The following CCDC112 variants were observed in gnomAD, a reference collection of about 807,000 sequenced individuals.
CCDC112 encodes coiled-coil domain containing 112.
In CCDC112, 40 loss-of-function variants were observed where a neutral mutation model predicts 66.3. The ratio of observed to expected loss-of-function variants is 0.60; its 90% confidence interval spans 0.47 to 0.79. CCDC112 has a LOEUF of 0.79. Ranked by LOEUF, CCDC112 falls within the 30% of genes least tolerant of loss-of-function variation. CCDC112 has a pLI of 0.00. For missense variants in CCDC112, 659 were observed against 603.8 expected (o/e 1.09, Z -0.96); for synonymous variants, 214 against 197.2 (o/e 1.09, Z -0.71).
rs79741900 is a variant in CCDC112 at position 115,288,664 on chromosome 5, C to A, written c.118-3756G>T. On this transcript the variant is annotated intron_variant, in intron 1 of 9. Transcript: ENST00000379611. ...CGTGACTCCATATCGCCATTTAGTACACTTAGTATTAGAAGATATAAGAAC... is the reference window on the plus strand; with the variant it reads ...CGTGACTCCATATCGCCATTTAGTAAACTTAGTATTAGAAGATATAAGAAC... Among the ~76,000 whole-genome samples the A allele has an allele frequency of 2.6e-4, 39 of 152,238 alleles. 1 individual carries two copies. In the East Asian group the frequency reaches 7.5e-3, roughly 29 times the overall value.
rs149318767 is a variant in CCDC112 at position 115,278,449 on chromosome 5, C to T, written c.361+1198G>A. Among the ~76,000 whole-genome samples the T allele has an allele frequency of 1.6e-3, 249 of 151,890 alleles. 3 individuals are homozygous for T. Among genetic ancestry groups the T allele is most frequent in the Non-Finnish European group, 8.4e-4 (57 of 67,912 alleles). ...ACAGGAAAAACATAAAGTGTAGTAA[C>T]ACTACACTTTATAAGAGCAAAACTT... On this transcript the variant is annotated intron_variant, in intron 3 of 9. Transcript: ENST00000379611.
intron 1 of CCDC112, among the ~76,000 whole-genome samples, chr5:115,288,302 C>T (rs1323865052): frequency 1.3e-5 from 2 of 152,176 alleles, no homozygotes; most frequent in Non-Finnish European, 2.9e-5. Flanking sequence ...TTAAAAGTTA[C>T]TCCAGTGACT....
In CCDC112 at chr5:115,296,643, C is replaced by A. The variant is rs1188418817; in HGVS notation, c.-100G>T. 7 of 1,129,306 alleles carry A rather than the reference C, an allele frequency of 6.2e-6. No homozygotes were observed. The highest frequency in any genetic ancestry group is 4.0e-5 in the South Asian group (2 of 50,082). The allele number at this position is 1,129,306 out of a possible 1,614,324, so 70.0% of individuals were successfully genotyped here. On this transcript the variant is annotated 5_prime_UTR_variant, in exon 1 of 10. Transcript: ENST00000379611. ...TGCAGACAGCTCCCTGCGCTGCGGG[C>A]TTGGCCGGGATGCAGGGCGGGGCCG...
chr5:115,275,533 A>G lies in CCDC112; in HGVS notation c.601T>C (p.Trp201Arg). Residue 201 changes from tryptophan to arginine, a missense_variant, in exon 6 of 10, where the codon TGG (tryptophan) becomes CGG (arginine). By Grantham distance (101) the Trp-to-Arg change is moderately radical. Coordinates refer to ENST00000379611, the MANE Select transcript of CCDC112 (RefSeq NM_001040440.3). ...TCTGTTTCTGAATTACCCAAAGCCC[A>G]TGTGTCAATTTTTCTTGATATGGCA... ...LSAISRKIDT[W>R]ALGNSETEKA... is the part of the protein sequence containing the mutation. 2 of 1,613,872 alleles carry G rather than the reference A, an allele frequency of 1.2e-6. No homozygotes were observed. Among genetic ancestry groups the G allele is most frequent in the Non-Finnish European group, 1.7e-6 (2 of 1,179,952 alleles).
At position 115,267,739 on chromosome 5, in the gene CCDC112, T is replaced by C. The variant is rs1471141867; in HGVS notation, c.*137A>G. 1 of 732,254 alleles carries C rather than the reference T, an allele frequency of 1.4e-6. No individual in the cohort carries two copies. The highest frequency in any genetic ancestry group is 2.4e-6 in the Non-Finnish European group (1 of 416,680). The allele number at this position is 732,254 out of a possible 1,614,324, so 45.4% of individuals were successfully genotyped here. On this transcript the variant is annotated 3_prime_UTR_variant, in exon 10 of 10. Transcript: ENST00000379611. ...AATGACAAAGCCTCATGAAACTTAA[T>C]ACCTCTCAATTCACAATATAGCACA...
In CCDC112 at chr5:115,284,780, T is replaced by C. The variant is rs1423575422; in HGVS notation, c.239+7A>G. Reference sequence around the variant, plus strand: ...ATGTTATTTGAAGATTATATTCTTATACTTACTGATTTTTAAATTTTTCTG... The same window carrying C: ...ATGTTATTTGAAGATTATATTCTTACACTTACTGATTTTTAAATTTTTCTG... On this transcript the variant is annotated splice_region_variant and intron_variant, in intron 2 of 9. Coordinates refer to ENST00000379611, the MANE Select transcript of CCDC112 (RefSeq NM_001040440.3). 2 of 1,589,096 alleles carry C rather than the reference T, an allele frequency of 1.3e-6. No individual in the cohort carries two copies. The highest frequency in any genetic ancestry group is 1.7e-6 in the Non-Finnish European group (2 of 1,158,006).
chr5:115,296,632 T>G lies in CCDC112; in HGVS notation c.-89A>C. On this transcript the variant is annotated 5_prime_UTR_variant, in exon 1 of 10. Transcript: ENST00000379611. ...ACCCTGGCCTCTGCAGACAGCTCCC[T>G]GCGCTGCGGGCTTGGCCGGGATGCA... is the stretch of plus-strand genomic sequence containing the variant. The G allele has an allele frequency of 8.6e-7, 1 of 1,162,938 alleles. No individual in the cohort carries two copies. 72.0% of individuals were successfully genotyped at this position (1,162,938 alleles called of 1,614,324 possible).
intron 9 of CCDC112, among the ~76,000 whole-genome samples, chr5:115,268,378 A>G (rs1342048456): frequency 2.0e-5 from 3 of 151,720 alleles, no homozygotes; most frequent in African/African-American, 7.3e-5. Flanking sequence ...AAGTGATTCT[A>G]CCTGCCTCAG....
rs187105281 is a variant in CCDC112, at chr5:115,272,959, T to C, written c.919-1333A>G. On this transcript the variant is annotated intron_variant, in intron 6 of 9. Coordinates refer to ENST00000379611, the MANE Select transcript of CCDC112 (RefSeq NM_001040440.3). ...TTTTCTATGGAAAAAAAAAAGTCAA[T>C]TGAACTAAACAGTGCTCACTGCATA... 4.4e-4 allele frequency among the ~76,000 whole-genome samples: 67 copies of C among 152,292 alleles called. 2 individuals carry two copies. In the East Asian group the frequency reaches 0.011, roughly 25 times the overall value.
intron 2 of CCDC112, among the ~76,000 whole-genome samples, chr5:115,283,982 A>C (rs1749566760): frequency 6.6e-6 from 1 of 152,176 alleles, no homozygotes; most frequent in African/African-American, 2.4e-5. Context: ...GTTTAAAGAA[A>C]AAGTTCATAT....
intron 6 of CCDC112, among the ~76,000 whole-genome samples, chr5:115,274,269 C>G (rs1345796985): frequency 6.6e-6 from 1 of 152,124 alleles, no homozygotes; most frequent in South Asian, 2.1e-4. Flanking sequence ...CTATAATGCA[C>G]AGAACAGGCC....
chr5:115,285,363 A>T lies in CCDC112; in HGVS notation c.118-455T>A, dbSNP rs186502490. The stretch of plus-strand genomic sequence containing the variant: ...TGCAATAAATGCTATTAAGAAAATA[A>T]ATATTAGGGCTCAGATGGAGAAAGC... On this transcript the variant is annotated intron_variant, in intron 1 of 9. Coordinates refer to ENST00000379611, the MANE Select transcript of CCDC112 (RefSeq NM_001040440.3). 2.0e-5 allele frequency among the ~76,000 whole-genome samples: 3 copies of T among 152,290 alleles called. No individual in the cohort carries two copies. In the East Asian group the frequency reaches 5.8e-4, roughly 29 times the overall value.
At chr5:115,292,790 G>A (rs1012472949) in intron 1 of CCDC112, among the ~76,000 whole-genome samples, 5 of 152,214 alleles carry the variant, frequency 3.3e-5, no homozygotes, top group African/African-American at 1.2e-4. Flanking sequence ...ACCACTATGT[G>A]TCCTAGCCTT....
chr5:115,290,898 C>T (rs960534773), intron 1 of CCDC112, among the ~76,000 whole-genome samples: 41 of 151,388 alleles, frequency 2.7e-4, no homozygotes, highest in African/African-American at 9.5e-4. Context: ...TGTGTGAATC[C>T]CTTAGAATTT....
intron 3 of CCDC112, among the ~76,000 whole-genome samples, chr5:115,278,662 G>T (rs1237380409): frequency 6.6e-6 from 1 of 151,942 alleles, no homozygotes; most frequent in East Asian, 1.9e-4. Flanking sequence ...GGGAAATAAA[G>T]AAATATTGAA....
Position 115,290,949 on chromosome 5 carries a change from C to G in CCDC112, c.117+5478G>C, listed in dbSNP as rs573875696. Reference sequence around the variant, plus strand: ...TCATCTGTGAATAAGTATCATGTTACATCTTCCTTTCCAATACGAATGCTT... The same window carrying G: ...TCATCTGTGAATAAGTATCATGTTAGATCTTCCTTTCCAATACGAATGCTT... On this transcript the variant is annotated intron_variant, in intron 1 of 9. Coordinates refer to ENST00000379611, the MANE Select transcript of CCDC112 (RefSeq NM_001040440.3). Among the ~76,000 whole-genome samples, 15 of 152,210 alleles carry G rather than the reference C, an allele frequency of 9.9e-5. No individual in the cohort carries two copies. In the East Asian group the frequency reaches 2.7e-3, roughly 27 times the overall value.
intron 1 of CCDC112, among the ~76,000 whole-genome samples, chr5:115,285,131 C>G (rs530124316): frequency 7.2e-5 from 11 of 152,122 alleles, no homozygotes; most frequent in Non-Finnish European, 1.3e-4. Flanking sequence ...GTTAAATATC[C>G]AGGGATTATT....
At chr5:115,276,704 C>A (rs1329085733) in intron 4 of CCDC112, among the ~76,000 whole-genome samples, 1 of 152,028 alleles carries the variant, frequency 6.6e-6, no homozygotes, top group African/African-American at 2.4e-5. Flanking sequence ...TTCTGCCTAC[C>A]TTATAATTTC....
rs57674990 is a variant in CCDC112, at chr5:115,269,142, T to C, written c.1429-142A>G. The C allele has an allele frequency of 8.3e-3, 3,869 of 466,922 alleles. 127 individuals are homozygous for C. The highest frequency in any genetic ancestry group is 0.069 in the African/African-American group (3,414 of 49,542). 28.9% of individuals were successfully genotyped at this position (466,922 alleles called of 1,614,324 possible). ...ATTAATAACCTCAGTAAACTTCTCA[T>C]TGGGCTCATATAGCTAAAAGAAAAT... On this transcript the variant is annotated intron_variant, in intron 8 of 9. Transcript: ENST00000379611.
Sources: allele counts gnomAD v4.1 joint callset (sites outside exome capture counted in the v4.1 genomes callset), GRCh38; gene constraint gnomAD v4.1.1; transcripts MANE v1.5; gene names NCBI Gene and HGNC (gene_info 2026-07-23, HGNC 2026-07-21).